TP53INP1: variants seen among roughly 807,000 people sequenced by gnomAD.
TP53INP1 encodes tumor protein p53 inducible nuclear protein 1, also known as tumor protein p53-inducible nuclear protein 1.
Under a neutral mutation model 21.0 loss-of-function variants are expected in TP53INP1, and 12 were observed. The observed-to-expected ratio is 0.57, with a 90% CI of 0.37 to 0.93. The LOEUF is 0.93. Ranked by LOEUF, TP53INP1 falls within the 40% of genes least tolerant of loss-of-function variation. The pLI is 0.01. For missense variants in TP53INP1, 274 were observed against 294.7 expected (o/e 0.93, Z 0.51); for synonymous variants, 91 against 94.8 (o/e 0.96, Z 0.23).
chr8:94,943,712 C>T (rs1821756018), intron 1 of TP53INP1, among the ~76,000 whole-genome samples: 1 of 152,152 alleles, frequency 6.6e-6, no homozygotes, highest in Non-Finnish European at 1.5e-5. Flanking sequence ...AGTTGTTTGG[C>T]ACACTACTAC....
At chr8:94,941,282 A>T (rs1821505731) in intron 1 of TP53INP1, among the ~76,000 whole-genome samples, 191 bp from the exon 2 acceptor site, 1 of 152,220 alleles carries the variant, frequency 6.6e-6, no homozygotes, top group Non-Finnish European at 1.5e-5. Flanking sequence ...ACTCAAATTC[A>T]ACCTATAAAT....
At chr8:94,939,821 A>C in intron 3 of TP53INP1, 39 bp downstream of exon 3, 1 of 1,579,300 alleles carries the variant, frequency 6.3e-7, no homozygotes, top group Non-Finnish European at 8.6e-7. Flanking sequence ...ATGCATGCTC[A>C]GTGGACTGCC....
rs1379426107 is a variant in TP53INP1 at position 94,926,708 on chromosome 8, G to C, written c.*3771C>G. On this transcript the variant is annotated 3_prime_UTR_variant, in exon 4 of 4. Coordinates refer to ENST00000342697, the MANE Select transcript of TP53INP1 (RefSeq NM_033285.4). Reference sequence around the variant, plus strand: ...CTTTCAAGAGTAACTCTCCTCCCATGCAAAGGATACTGTTGCACATAAAAG... The same window carrying C: ...CTTTCAAGAGTAACTCTCCTCCCATCCAAAGGATACTGTTGCACATAAAAG... 6.6e-6 allele frequency: 1 copy of C among 152,180 alleles called. No homozygotes were observed. The highest frequency in any genetic ancestry group is 1.5e-5 in the Non-Finnish European group (1 of 68,038). 9.4% of individuals were successfully genotyped at this position (152,180 alleles called of 1,614,324 possible).
intron 3 of TP53INP1, among the ~76,000 whole-genome samples, chr8:94,933,521 T>G (rs1201259459): frequency 6.6e-6 from 1 of 152,138 alleles, no homozygotes; most frequent in Non-Finnish European, 1.5e-5. Context: ...TCCCAGCACT[T>G]TGGAAGGCCA....
chr8:94,939,147 A>T (rs1821277494), intron 3 of TP53INP1, among the ~76,000 whole-genome samples: 1 of 152,220 alleles, frequency 6.6e-6, no homozygotes, highest in Admixed American at 6.5e-5. Flanking sequence ...TTCTCAGACA[A>T]GGTTTTCAAG....
chr8:94,932,353 T>C (rs560819680), intron 3 of TP53INP1, among the ~76,000 whole-genome samples: 2 of 152,358 alleles, frequency 1.3e-5, no homozygotes, highest in East Asian at 3.9e-4. Context: ...CTGTGCTTTA[T>C]GGTAATATCC....
Position 94,927,009 on chromosome 8 carries a change from A to G in TP53INP1, c.*3470T>C, listed in dbSNP as rs1010336982. 1.3e-5 allele frequency: 2 copies of G among 152,270 alleles called. No individual in the cohort carries two copies. The highest frequency in any genetic ancestry group is 4.8e-5 in the African/African-American group (2 of 41,476). The allele number at this position is 152,270 out of a possible 1,614,324, so 9.4% of individuals were successfully genotyped here. ...AGTTTAACCAGTATTTATGGGCCTT[A>G]TAAAATAAAAAGATAATTTTAAAGT... On this transcript the variant is annotated 3_prime_UTR_variant, in exon 4 of 4. Transcript: ENST00000342697.
In TP53INP1 at chr8:94,949,371, C is replaced by T. The variant is rs533678578; in HGVS notation, c.-368G>A. ...CAAGTCCTTTTGTTGTTGTGCAGCGCTCGCAACAGCTGATCGGCCGCTCCG... is the reference window on the plus strand; with the variant it reads ...CAAGTCCTTTTGTTGTTGTGCAGCGTTCGCAACAGCTGATCGGCCGCTCCG... On this transcript the variant is annotated 5_prime_UTR_variant, in exon 1 of 4. Coordinates refer to ENST00000342697, the MANE Select transcript of TP53INP1 (RefSeq NM_033285.4). 117 of 150,980 alleles carry T rather than the reference C, an allele frequency of 7.7e-4. 1 individual carries two copies. Among genetic ancestry groups the T allele is most frequent in the Admixed American group, 2.8e-3 (42 of 15,186 alleles). 9.4% of individuals were successfully genotyped at this position (150,980 alleles called of 1,614,324 possible).
chr8:94,935,176 T>TAGATAG (rs1563725845), intron 3 of TP53INP1, among the ~76,000 whole-genome samples: 123 of 80,942 alleles, frequency 1.5e-3, no homozygotes, highest in African/African-American at 5.1e-3. Flanking sequence ...TAGATAGATA[T>TAGATAG]AATACAATAC....
intron 1 of TP53INP1, among the ~76,000 whole-genome samples, chr8:94,942,327 G>A (rs1821621969): frequency 6.6e-6 from 1 of 151,934 alleles, no homozygotes; most frequent in East Asian, 1.9e-4. Flanking sequence ...GGCGTGAGCT[G>A]CCGCACCCGC....
chr8:94,938,388 G>A (rs1281205409), intron 3 of TP53INP1, among the ~76,000 whole-genome samples: 8 of 152,252 alleles, frequency 5.3e-5, no homozygotes, highest in South Asian at 2.1e-4. Context: ...ATATATATTC[G>A]GTCTTGTCAG....
chr8:94,930,859 T>TGACA (rs773190417), intron 3 of TP53INP1, 131 bp from the exon 4 acceptor site: 3 of 1,079,596 alleles, frequency 2.8e-6, no homozygotes, highest in Admixed American at 5.2e-5. Flanking sequence ...GTTTCATGGC[T>TGACA]GACAGACAAG....
At chr8:94,933,397 A>G (rs1321618925) in intron 3 of TP53INP1, among the ~76,000 whole-genome samples, 1 of 152,152 alleles carries the variant, frequency 6.6e-6, no homozygotes, top group Non-Finnish European at 1.5e-5. Flanking sequence ...AGGAAGGAAG[A>G]AGAAGGAAGA....
At chr8:94,938,564 G>A (rs547061724) in intron 3 of TP53INP1, among the ~76,000 whole-genome samples, 120 of 152,324 alleles carry the variant, frequency 7.9e-4, no homozygotes, top group Non-Finnish European at 1.2e-3. Flanking sequence ...TCAAACTCCA[G>A]AGAGGGGAGA....
At position 94,929,451 on chromosome 8, in the gene TP53INP1, T is replaced by C. The variant is rs1400310142; in HGVS notation, c.*1028A>G. 2.0e-5 allele frequency: 3 copies of C among 150,012 alleles called. No homozygotes were observed. The highest frequency in any genetic ancestry group is 7.3e-5 in the African/African-American group (3 of 40,904). The allele number at this position is 150,012 out of a possible 1,614,324, so 9.3% of individuals were successfully genotyped here. A position where few individuals can be genotyped will look rare whatever the true frequency, so the allele number is the denominator to read the frequency against. On this transcript the variant is annotated 3_prime_UTR_variant, in exon 4 of 4. Transcript: ENST00000342697. ...AAAAAAGAAAAAAGTTGAGCCAACCTGTCACTCTTCACTCAGATGCCATGA... is the reference window on the plus strand; with the variant it reads ...AAAAAAGAAAAAAGTTGAGCCAACCCGTCACTCTTCACTCAGATGCCATGA...
intron 3 of TP53INP1, among the ~76,000 whole-genome samples, chr8:94,934,931 T>C (rs770775161): frequency 2.8e-4 from 42 of 152,086 alleles, no homozygotes; most frequent in Non-Finnish European, 4.9e-4. Context: ...TCATGTAACA[T>C]AAGAAAGTTG....
rs1171066883 is a variant in TP53INP1, at chr8:94,928,714, A to C, written c.*1765T>G. Reference sequence around the variant, plus strand: ...AAACCTCCATCTCACTACACATTTGACGTCTTCCACTCCAAACGCTCTAAT... The same window carrying C: ...AAACCTCCATCTCACTACACATTTGCCGTCTTCCACTCCAAACGCTCTAAT... On this transcript the variant is annotated 3_prime_UTR_variant, in exon 4 of 4. Transcript: ENST00000342697. 1 of 152,216 alleles carries C rather than the reference A, an allele frequency of 6.6e-6. No homozygotes were observed. Among genetic ancestry groups the C allele is most frequent in the Non-Finnish European group, 1.5e-5 (1 of 68,030 alleles). 9.4% of individuals were successfully genotyped at this position (152,216 alleles called of 1,614,324 possible).
chr8:94,948,413 G>GT (rs542806391), intron 1 of TP53INP1, among the ~76,000 whole-genome samples: 157 of 152,328 alleles, frequency 1.0e-3, no homozygotes, highest in African/African-American at 3.6e-3. Context: ...CTCAGTAAGC[G>GT]TGAGCGATCC....
intron 3 of TP53INP1, among the ~76,000 whole-genome samples, chr8:94,935,128 T>TAGAGATAG (rs1554630991): frequency 6.9e-6 from 1 of 144,640 alleles, no homozygotes; most frequent in Admixed American, 7.0e-5. Context: ...GGTAGATAGA[T>TAGAGATAG]ATAGATAGAT....
Sources: allele counts gnomAD v4.1 joint callset (sites outside exome capture counted in the v4.1 genomes callset), GRCh38; gene constraint gnomAD v4.1.1; transcripts MANE v1.5; gene names NCBI Gene and HGNC (gene_info 2026-07-23, HGNC 2026-07-21).